FRMPD3: variants seen among roughly 807,000 people sequenced by gnomAD.
FRMPD3 encodes FERM and PDZ domain containing 3.
In FRMPD3, 42 loss-of-function variants were observed where a neutral mutation model predicts 97.9. The observed-to-expected ratio is 0.43, with a 90% CI of 0.34 to 0.55. The LOEUF is 0.55. Among genes scored for constraint, FRMPD3 ranks in the 20% least tolerant of loss-of-function variants. The pLI, the probability that FRMPD3 is intolerant of heterozygous loss-of-function variation, is 0.03. For synonymous variants in FRMPD3, 577 were observed against 581.1 expected, an observed-to-expected ratio of 0.99 and a Z score of 0.10; for missense variants, 1,303 against 1,457.7, an observed-to-expected ratio of 0.89 and a Z score of 1.73.
intron 14 of FRMPD3, among the ~76,000 whole-genome samples, chrX:107,599,532 A>G (rs1239426496): frequency 9.0e-6 from 1 of 111,704 alleles, no homozygotes; most frequent in Non-Finnish European, 1.9e-5. Context: ...GCTCAGCTAA[A>G]TGGCCTCAGC....
chrX:107,566,171 T>TG (rs1405460918), intron 12 of FRMPD3, among the ~76,000 whole-genome samples: 21 of 112,909 alleles, frequency 1.9e-4, no homozygotes, highest in Non-Finnish European at 3.8e-4. Flanking sequence ...CCACTGTGGG[T>TG]GGGGGGCAGG....
At chrX:107,450,134 G>C (rs1931253255) in intron 1 of FRMPD3, among the ~76,000 whole-genome samples, 129 bp downstream of exon 1, 1 of 110,852 alleles carries the variant, frequency 9.0e-6, no homozygotes. Flanking sequence ...CCGGGAGCCG[G>C]GGGCAGGGCG....
At chrX:107,495,221 A>G (rs1482636443) in intron 1 of FRMPD3, among the ~76,000 whole-genome samples, 1 of 110,691 alleles carries the variant, frequency 9.0e-6, no homozygotes, top group Non-Finnish European at 1.9e-5. Flanking sequence ...AGAGATCAAC[A>G]TGGCTGGCTC....
chrX:107,509,039 G>C (rs1049026320), intron 1 of FRMPD3, among the ~76,000 whole-genome samples: 1 of 111,597 alleles, frequency 9.0e-6, no homozygotes, highest in African/African-American at 3.3e-5. Flanking sequence ...TTGTTTCTTG[G>C]ATATAAGTAA....
chrX:107,579,186 A>G (rs1923269922), intron 13 of FRMPD3, among the ~76,000 whole-genome samples: 2 of 111,871 alleles, frequency 1.8e-5, no homozygotes, highest in South Asian at 7.5e-4. Flanking sequence ...TCTCTCAGAA[A>G]AGGGAGGAAG....
chrX:107,580,965 T>G (rs934904889), intron 13 of FRMPD3, among the ~76,000 whole-genome samples: 5 of 111,741 alleles, frequency 4.5e-5, no homozygotes, highest in African/African-American at 1.6e-4. Context: ...GGATCATAAC[T>G]AAATGCCAGA....
At chrX:107,576,244 A>T (rs1028491121) in intron 12 of FRMPD3, 71 bp from the exon 13 acceptor site, 6 of 1,121,231 alleles carry the variant, frequency 5.4e-6, no homozygotes, top group Middle Eastern at 2.4e-4. Flanking sequence ...TTTGCTAGCT[A>T]CCATGCCTCT....
At chrX:107,530,382 C>T in intron 2 of FRMPD3, 27 bp from the exon 3 acceptor site, 1 of 1,130,350 alleles carries the variant, frequency 8.8e-7, no homozygotes, top group Admixed American at 2.5e-5. Flanking sequence ...ACCCTAAGCC[C>T]TCACACCTCT....
intron 13 of FRMPD3, among the ~76,000 whole-genome samples, chrX:107,596,763 C>T (rs1924191798): frequency 8.9e-6 from 1 of 112,314 alleles, no homozygotes; most frequent in African/African-American, 3.2e-5. Context: ...ATCCCTCCAT[C>T]AACAGGCCTC....
chrX:107,459,884 TACACACACACACACACAC>T (rs67324661), intron 1 of FRMPD3, among the ~76,000 whole-genome samples: 1,365 of 89,866 alleles, frequency 0.015, 22 homozygotes, highest in African/African-American at 0.049. Context: ...CAAGCATACA[TACACACACACACACACAC>T]ACACACACAC....
intron 13 of FRMPD3, among the ~76,000 whole-genome samples, chrX:107,586,506 C>T (rs1218764643): frequency 1.8e-5 from 2 of 109,236 alleles, no homozygotes; most frequent in Non-Finnish European, 3.8e-5. Context: ...TTAGTTTGCT[C>T]TTGCCTCTCT....
intron 12 of FRMPD3, among the ~76,000 whole-genome samples, chrX:107,568,220 T>C (rs1922692788): frequency 9.1e-6 from 1 of 110,118 alleles, no homozygotes; most frequent in African/African-American, 3.3e-5. Context: ...ACACAGAATT[T>C]ATTTTATTTT....
At chrX:107,582,788 CAG>C (rs1237871148) in intron 13 of FRMPD3, among the ~76,000 whole-genome samples, 1 of 112,230 alleles carries the variant, frequency 8.9e-6, no homozygotes, top group Non-Finnish European at 1.9e-5. Flanking sequence ...ATTTTGAAAT[CAG>C]AAAGTGTGAG....
In FRMPD3 at chrX:107,576,438, C is replaced by G; in HGVS notation, c.1420C>G (p.Pro474Ala). 1 of 1,210,744 alleles carries G rather than the reference C, an allele frequency of 8.3e-7. No individual in the cohort carries two copies. The highest frequency in any genetic ancestry group is 1.1e-6 in the Non-Finnish European group (1 of 895,386). ...VFSRPASQPL[P>A]PPMIKADYMH... ...CTCCAGGCCTGCCAGCCAGCCACTTCCACCTCCAATGATCAAGGCAGGTAG... is the reference window on the plus strand; with the variant it reads ...CTCCAGGCCTGCCAGCCAGCCACTTGCACCTCCAATGATCAAGGCAGGTAG... The change falls in exon 13 of 15, where the codon CCA (proline) becomes GCA (alanine). Residue 474 changes from proline (P) to alanine (A), a missense_variant. This residue lies in a region of FRMPD3 where 535 missense variants were observed against 618.6 expected (regional missense o/e 0.86). Transcript: ENST00000683843.
chrX:107,552,347 A>G, intron 6 of FRMPD3, among the ~76,000 whole-genome samples: 1 of 112,546 alleles, frequency 8.9e-6, no homozygotes, highest in Non-Finnish European at 1.9e-5. Flanking sequence ...AATCATATAA[A>G]TGTCACTTTT....
chrX:107,472,648 T>C (rs1276292768), intron 1 of FRMPD3, among the ~76,000 whole-genome samples: 1 of 111,737 alleles, frequency 8.9e-6, no homozygotes, highest in African/African-American at 3.3e-5. Flanking sequence ...GAAAGGTGCA[T>C]GGGCTCCCTT....
intron 1 of FRMPD3, among the ~76,000 whole-genome samples, chrX:107,483,997 C>T (rs866586802): frequency 8.9e-6 from 1 of 111,988 alleles, no homozygotes; most frequent in Non-Finnish European, 1.9e-5. Context: ...CCACCAGACA[C>T]TCACTCACCC....
At chrX:107,483,315 C>T (rs1163508899) in intron 1 of FRMPD3, among the ~76,000 whole-genome samples, 1 of 112,367 alleles carries the variant, frequency 8.9e-6, no homozygotes, top group African/African-American at 3.2e-5. Context: ...GGGCTGCATT[C>T]ACCCAGAAGG....
chrX:107,564,971 A>G lies in FRMPD3; in HGVS notation c.1201A>G (p.Thr401Ala). ...TATTGACCTCAAAACCAACCTCACCACTGTGCTGTCCGAGTTCAGCAAGAT... is the reference window on the plus strand; with the variant it reads ...TATTGACCTCAAAACCAACCTCACCGCTGTGCTGTCCGAGTTCAGCAAGAT... Reference protein sequence around the residue: ...HVIDLKTNLTTVLSEFSKISK... With the variant: ...HVIDLKTNLTAVLSEFSKISK... Residue 401 changes from threonine to alanine, a missense_variant, in exon 12 of 15, where the codon ACT becomes GCT. By Grantham distance (58) the Thr-to-Ala change is moderately conservative (BLOSUM62 0). Transcript: ENST00000683843. The G allele has an allele frequency of 2.5e-6, 3 of 1,209,638 alleles. No individual in the cohort carries two copies. Among genetic ancestry groups the G allele is most frequent in the Non-Finnish European group, 3.4e-6 (3 of 894,874 alleles).
Sources: gnomAD v4.1 joint callset for allele counts (sites outside exome capture counted in the v4.1 genomes callset) on GRCh38, gnomAD v4.1.1 for gene constraint, gnomAD v4.1.1 regional missense constraint, MANE v1.5 for transcripts, NCBI Gene and HGNC (gene_info 2026-07-23, HGNC 2026-07-21) for gene names.